The following USP32 variants were observed in gnomAD, a reference collection of about 807,000 sequenced individuals.
The protein encoded by USP32 is ubiquitin specific peptidase 32.
USP32 carries 59 observed loss-of-function variants against 204.8 expected under a neutral mutation model. The ratio of observed to expected loss-of-function variants is 0.29; its 90% CI spans 0.23 to 0.36. USP32 has a LOEUF of 0.36. Among genes scored for constraint, USP32 ranks in the 10% least tolerant of loss-of-function variants. The probability of loss-of-function intolerance (pLI) is 1.00; values close to 1 mark genes in which losing one functional copy is unlikely to be tolerated. For synonymous variants in USP32, 517 were observed against 678.4 expected, an observed-to-expected ratio of 0.76 and a Z score of 3.70; for missense variants, 1,160 against 1,946.4, an observed-to-expected ratio of 0.60 and a Z score of 7.60.
intron 1 of USP32, among the ~76,000 whole-genome samples, chr17:60,420,554 C>A (rs2090103011): frequency 6.6e-6 from 1 of 152,122 alleles, no homozygotes; most frequent in Non-Finnish European, 1.5e-5. Context: ...GTAATCCCAG[C>A]TACTCGGGAG....
In USP32 at chr17:60,181,415, C is replaced by A; in HGVS notation, c.4457G>T (p.Gly1486Val). ...TTCTTCACTGTGGTTTCCAAGCTGA[C>A]CATTGCTGTAGCCATTGCCACATGC... ...HEACGNGYSN[G>V]QLGNHSEEDS... The change falls in exon 32 of 34, where the codon GGT (glycine) becomes GTT (valine). Residue 1486 changes from glycine to valine, a missense_variant. Around this residue, in one of 8 missense-constraint regions of USP32, gnomAD observed 244 missense variants for 342.3 expected, o/e 0.71. Transcript: ENST00000300896. 4 of 1,613,986 alleles carry A rather than the reference C, an allele frequency of 2.5e-6. No homozygotes were observed. Among genetic ancestry groups the A allele is most frequent in the Non-Finnish European group, 3.4e-6 (4 of 1,179,866 alleles).
chr17:60,349,599 ATATAT>A (rs2088882292), intron 1 of USP32, among the ~76,000 whole-genome samples: 5 of 42,810 alleles, frequency 1.2e-4, no homozygotes, highest in Admixed American at 8.2e-4. Context: ...AAAAAAAAAT[ATATAT>A]ATATATATAT....
At chr17:60,402,729 T>C (rs1178104433) in intron 1 of USP32, among the ~76,000 whole-genome samples, 2 of 152,222 alleles carry the variant, frequency 1.3e-5, no homozygotes, top group Non-Finnish European at 2.9e-5. Context: ...TTTATTTTGC[T>C]TATGAAACTG....
intron 31 of USP32, among the ~76,000 whole-genome samples, chr17:60,182,081 T>C (rs947651867): frequency 6.6e-6 from 1 of 152,224 alleles, no homozygotes; most frequent in African/African-American, 2.4e-5. Flanking sequence ...TCCTCTCCTT[T>C]GTAAAATTAG....
At chr17:60,418,338 C>G in intron 1 of USP32, among the ~76,000 whole-genome samples, 1 of 151,734 alleles carries the variant, frequency 6.6e-6, no homozygotes, top group East Asian at 1.9e-4. Flanking sequence ...GGCAATCCAC[C>G]CGCTTTGGCC....
chr17:60,339,336 A>G (rs2145987088), intron 2 of USP32, among the ~76,000 whole-genome samples: 1 of 152,074 alleles, frequency 6.6e-6, no homozygotes, highest in South Asian at 2.1e-4. Flanking sequence ...TAATCCCAGC[A>G]CTTTAGGAGG....
Position 60,375,283 on chromosome 17 carries a change from C to T in USP32, c.58+16599G>A, listed in dbSNP as rs533532353. ...AAAAAATTTTAAAGGTCACACAGAA[C>T]AATCATAATCTTTTCCACTGATTAC... On this transcript the variant is annotated intron_variant, in intron 1 of 33. Coordinates refer to ENST00000300896, the MANE Select transcript of USP32 (RefSeq NM_032582.4). Among the ~76,000 whole-genome samples, 81 of 152,218 alleles carry T rather than the reference C, an allele frequency of 5.3e-4. 3 individuals carry two copies. In the South Asian group the frequency reaches 0.017, roughly 31 times the overall value.
chr17:60,327,514 A>AGCCAGGCTT (rs1054393411), intron 2 of USP32, among the ~76,000 whole-genome samples: 6 of 128,750 alleles, frequency 4.7e-5, no homozygotes, highest in Admixed American at 2.5e-4. Flanking sequence ...CCACCTCAGG[A>AGCCAGGCTT]GCCAGGCTGA....
intron 1 of USP32, among the ~76,000 whole-genome samples, chr17:60,404,189 A>G (rs867985182): frequency 6.6e-6 from 1 of 152,178 alleles, no homozygotes; most frequent in Non-Finnish European, 1.5e-5. Flanking sequence ...ATACTGTTAC[A>G]TTTGAGGCTA....
At chr17:60,406,076 G>A (rs1292261339) in intron 1 of USP32, among the ~76,000 whole-genome samples, 3 of 146,374 alleles carry the variant, frequency 2.0e-5, no homozygotes, top group Non-Finnish European at 4.5e-5. Context: ...AGGATCACTT[G>A]AGTCCAGGAG....
chr17:60,180,717 A>C, intron 32 of USP32, 80 bp from the exon 33 acceptor site: 1 of 1,353,728 alleles, frequency 7.4e-7, no homozygotes, highest in Non-Finnish European at 1.0e-6. Context: ...TCTGAGCAGG[A>C]GAACACTGAT....
At chr17:60,360,950 G>A (rs557392093) in intron 1 of USP32, among the ~76,000 whole-genome samples, 20 of 151,802 alleles carry the variant, frequency 1.3e-4, no homozygotes, top group South Asian at 4.2e-4. Flanking sequence ...CCAACATGGC[G>A]AAACCCCATC....
chr17:60,253,013 A>C (rs2086207381), intron 10 of USP32, among the ~76,000 whole-genome samples: 2 of 152,246 alleles, frequency 1.3e-5, no homozygotes, highest in Admixed American at 6.5e-5. Context: ...TTAGGTGTTG[A>C]GTAGATTATT....
intron 33 of USP32, among the ~76,000 whole-genome samples, chr17:60,180,277 A>G (rs2084073626): frequency 6.8e-6 from 1 of 146,072 alleles, no homozygotes; most frequent in African/African-American, 2.5e-5. Context: ...CCACCTCCTA[A>G]GCCTGCCTCA....
chr17:60,283,671 C>T (rs570655710), intron 5 of USP32, among the ~76,000 whole-genome samples: 25 of 148,994 alleles, frequency 1.7e-4, no homozygotes, highest in Admixed American at 6.7e-4. Flanking sequence ...AACAAGTTTG[C>T]CTTTTTTTTT....
intron 16 of USP32, among the ~76,000 whole-genome samples, chr17:60,217,593 CCT>C (rs2085136788): frequency 6.6e-6 from 1 of 151,852 alleles, no homozygotes; most frequent in East Asian, 1.9e-4. Flanking sequence ...CTGCACCTGG[CCT>C]CATGTTATCT....
chr17:60,264,781 A>G (rs900613451), intron 9 of USP32, among the ~76,000 whole-genome samples: 9 of 147,776 alleles, frequency 6.1e-5, no homozygotes, highest in Non-Finnish European at 1.2e-4. Context: ...AATCACTTGA[A>G]GCCGGGAGGC....
At chr17:60,256,232 TAAAGGG>T (rs1411429577) in intron 9 of USP32, among the ~76,000 whole-genome samples, 2 of 151,612 alleles carry the variant, frequency 1.3e-5, no homozygotes, top group African/African-American at 4.8e-5. Context: ...AGAAATAAGC[TAAAGGG>T]AAAGGAAGAA....
chr17:60,232,950 GC>G (rs1428535383), intron 12 of USP32, among the ~76,000 whole-genome samples: 2 of 152,102 alleles, frequency 1.3e-5, no homozygotes, highest in African/African-American at 4.8e-5. Context: ...TGGGCTAAGT[GC>G]TTCACATGTA....
Sources: allele counts gnomAD v4.1 joint callset (sites outside exome capture counted in the v4.1 genomes callset), GRCh38; gene constraint gnomAD v4.1.1; regional missense constraint gnomAD v4.1.1; transcripts MANE v1.5; gene names NCBI Gene and HGNC (gene_info 2026-07-23, HGNC 2026-07-21).